XIRP2: variants seen among roughly 807,000 people sequenced by gnomAD.
XIRP2 encodes the protein xin actin binding repeat containing 2.
A neutral mutation model predicts 277.0 loss-of-function variants in XIRP2; 236 were observed. The ratio of observed to expected loss-of-function variants is 0.85; its 90% CI spans 0.77 to 0.95. The LOEUF (loss-of-function observed/expected upper bound fraction) is 0.95. Ranked by LOEUF, XIRP2 falls within the 40% of genes least tolerant of loss-of-function variation. The pLI is 0.00. For synonymous variants in XIRP2, 1,490 were observed against 1,416.5 expected, an observed-to-expected ratio of 1.05 and a Z score of -1.17; for missense variants, 4,640 against 4,157.5, an observed-to-expected ratio of 1.12 and a Z score of -3.19.
At chr2:167,014,893 C>T (rs1261339125) in intron 2 of XIRP2, among the ~76,000 whole-genome samples, 2 of 151,762 alleles carry the variant, frequency 1.3e-5, no homozygotes, top group Non-Finnish European at 1.5e-5. Context: ...TTGTGTATCC[C>T]TCTAAACCTC....
chr2:167,037,518 G>GTGTGTGTGTGT (rs1553481077), intron 2 of XIRP2, among the ~76,000 whole-genome samples: 5 of 126,460 alleles, frequency 4.0e-5, no homozygotes, highest in South Asian at 2.4e-4. Context: ...TCATGTGGGG[G>GTGTGTGTGTGT]GTGTGTGTGT....
At chr2:166,939,402 C>T (rs1574096960) in intron 2 of XIRP2, among the ~76,000 whole-genome samples, 1 of 151,956 alleles carries the variant, frequency 6.6e-6, no homozygotes, top group East Asian at 1.9e-4. Context: ...TTTTCTTGGG[C>T]TGGGCACGGT....
intron 2 of XIRP2, among the ~76,000 whole-genome samples, chr2:166,905,051 C>T (rs747165806): frequency 2.0e-5 from 3 of 151,972 alleles, no homozygotes; most frequent in Admixed American, 1.3e-4. Flanking sequence ...GTAGAGACTA[C>T]AGAATCTCTT....
At position 167,259,076 on chromosome 2, in the gene XIRP2, A is replaced by T; in HGVS notation, c.*1259A>T. ...TTTCTTTTCTAACACCGTGAAAATC[A>T]CTGCATTTTCCAAGAAAAATGAGAA... On this transcript the variant is annotated 3_prime_UTR_variant, in exon 11 of 11. Coordinates refer to ENST00000409195, the MANE Select transcript of XIRP2 (RefSeq NM_152381.6). 6.2e-7 allele frequency: 1 copy of T among 1,611,764 alleles called. No individual in the cohort carries two copies. Among genetic ancestry groups the T allele is most frequent in the Non-Finnish European group, 8.5e-7 (1 of 1,178,456 alleles).
chr2:166,893,062 C>T (rs1226948344), intron 1 of XIRP2, among the ~76,000 whole-genome samples: 2 of 150,906 alleles, frequency 1.3e-5, no homozygotes, highest in East Asian at 2.0e-4. Context: ...AGAGGGTTTG[C>T]GTGTGCTGTA....
At chr2:167,226,492 A>G (rs552605864) in intron 5 of XIRP2, among the ~76,000 whole-genome samples, 20 of 152,342 alleles carry the variant, frequency 1.3e-4, no homozygotes, top group Non-Finnish European at 2.8e-4. Flanking sequence ...AACTGCATTT[A>G]GAACTGCCTA....
chr2:166,935,053 G>A (rs1468141639), intron 2 of XIRP2, among the ~76,000 whole-genome samples: 2 of 151,716 alleles, frequency 1.3e-5, no homozygotes, highest in African/African-American at 2.4e-5. Context: ...AGCACAATGT[G>A]TGTGTAGATG....
intron 2 of XIRP2, among the ~76,000 whole-genome samples, chr2:166,908,254 C>G (rs1422952594): frequency 6.6e-6 from 1 of 152,154 alleles, no homozygotes; most frequent in East Asian, 1.9e-4. Flanking sequence ...GTTCCTATTT[C>G]TCTATGTCCT....
At chr2:166,959,201 A>G (rs1686242208) in intron 2 of XIRP2, among the ~76,000 whole-genome samples, 1 of 151,830 alleles carries the variant, frequency 6.6e-6, no homozygotes, top group South Asian at 2.1e-4. Context: ...AGCAGTTTAA[A>G]AGCAAGAAAG....
intron 2 of XIRP2, among the ~76,000 whole-genome samples, chr2:167,065,155 T>G (rs1459987975): frequency 6.6e-6 from 1 of 151,932 alleles, no homozygotes; most frequent in Non-Finnish European, 1.5e-5. Flanking sequence ...CAAATCCTTG[T>G]CAATACTTGT....
intron 2 of XIRP2, among the ~76,000 whole-genome samples, chr2:167,052,921 A>G (rs1448776416): frequency 6.6e-6 from 1 of 152,210 alleles, no homozygotes; most frequent in African/African-American, 2.4e-5. Flanking sequence ...AGTTATATGT[A>G]GTTGTAGACA....
chr2:167,249,198 T>A lies in XIRP2; in HGVS notation c.7806T>A (p.Asp2602Glu). Residue 2602 changes from aspartate (D) to glutamate (E), a missense_variant, in exon 9 of 11, where the codon GAT becomes GAA. Coordinates refer to ENST00000409195, the MANE Select transcript of XIRP2 (RefSeq NM_152381.6). ...AGGAGGTTTCCCTATCTGGAATTGATTCAGAATGCACTGTGGTTCAACCCA... is the reference window on the plus strand; with the variant it reads ...AGGAGGTTTCCCTATCTGGAATTGAATCAGAATGCACTGTGGTTCAACCCA... ...TNEEVSLSGIDSECTVVQPSP... is the reference protein window; with the variant it reads ...TNEEVSLSGIESECTVVQPSP... The A allele has an allele frequency of 6.2e-7, 1 of 1,613,660 alleles. No individual in the cohort carries two copies. Among genetic ancestry groups the A allele is most frequent in the Non-Finnish European group, 8.5e-7 (1 of 1,179,740 alleles).
chr2:167,183,157 A>G (rs1693064181), intron 3 of XIRP2, among the ~76,000 whole-genome samples: 1 of 152,170 alleles, frequency 6.6e-6, no homozygotes, highest in African/African-American at 2.4e-5. Context: ...AGGGCTTTGT[A>G]TATGTTAGGG....
intron 3 of XIRP2, among the ~76,000 whole-genome samples, chr2:167,191,198 A>AAT (rs1553497737): frequency 6.6e-6 from 1 of 151,310 alleles, no homozygotes; most frequent in Non-Finnish European, 1.5e-5. Context: ...AAAAAAAAAA[A>AAT]AAAAGAAAAA....
At chr2:167,207,935 T>C (rs890878838) in intron 3 of XIRP2, among the ~76,000 whole-genome samples, 1 of 152,212 alleles carries the variant, frequency 6.6e-6, no homozygotes, top group Non-Finnish European at 1.5e-5. Context: ...CTTTGTGGGA[T>C]GTATTTTATT....
intron 2 of XIRP2, among the ~76,000 whole-genome samples, chr2:166,940,759 T>G (rs1473773849): frequency 6.6e-6 from 1 of 152,180 alleles, no homozygotes; most frequent in Admixed American, 6.5e-5. Context: ...TGCAGAACAG[T>G]GAATATTGCT....
chr2:167,022,320 A>T (rs868278022), intron 2 of XIRP2, among the ~76,000 whole-genome samples: 3 of 152,258 alleles, frequency 2.0e-5, no homozygotes, highest in African/African-American at 7.2e-5. Context: ...AGGAAAATTG[A>T]GAGTCATTTA....
chr2:167,246,779 A>G lies in XIRP2; in HGVS notation c.5387A>G (p.Gln1796Arg). Reference sequence around the variant, plus strand: ...ACAAAACTGTTACTGAAGAAAAGGCAGTCTCTGGTTGAACGTACTGTTAGT... The same window carrying G: ...ACAAAACTGTTACTGAAGAAAAGGCGGTCTCTGGTTGAACGTACTGTTAGT... ...EGTKLLLKKR[Q>R]SLVERTVSET... Residue 1796 changes from glutamine to arginine, a missense_variant, in exon 9 of 11, where the codon CAG becomes CGG. By Grantham distance (43) the Gln-to-Arg change is conservative. Coordinates refer to ENST00000409195, the MANE Select transcript of XIRP2 (RefSeq NM_152381.6). The G allele has an allele frequency of 6.2e-7, 1 of 1,613,868 alleles. No homozygotes were observed. Among genetic ancestry groups the G allele is most frequent in the African/African-American group, 1.3e-5 (1 of 75,014 alleles).
chr2:167,117,627 C>G (rs779423004), intron 2 of XIRP2, among the ~76,000 whole-genome samples: 1 of 152,170 alleles, frequency 6.6e-6, no homozygotes, highest in Non-Finnish European at 1.5e-5. Context: ...GGGACTTCTG[C>G]AGTCTAATCT....
Sources: allele counts gnomAD v4.1 joint callset (sites outside exome capture counted in the v4.1 genomes callset), GRCh38; gene constraint gnomAD v4.1.1; transcripts MANE v1.5; gene names NCBI Gene and HGNC (gene_info 2026-07-23, HGNC 2026-07-21).